The following MCM5 variants were observed in gnomAD, a reference collection of about 807,000 sequenced individuals.
MCM5 encodes minichromosome maintenance complex component 5.
A neutral mutation model predicts 79.9 loss-of-function variants in MCM5; 46 were observed. The ratio of observed to expected loss-of-function variants is 0.58; its 90% CI spans 0.45 to 0.74. MCM5 has a LOEUF of 0.74. Among genes scored for constraint, MCM5 ranks in the 30% least tolerant of loss-of-function variants. The pLI, the probability that MCM5 is intolerant of heterozygous loss-of-function variation, is 0.00. For synonymous variants in MCM5, 404 were observed against 390.5 expected (o/e 1.03, Z -0.41); for missense variants, 883 against 1,017.0 (o/e 0.87, Z 1.79).
intron 15 of MCM5, chr22:35,422,231 GA>G (rs1932716064): frequency 1.3e-5 from 2 of 153,670 alleles, no homozygotes; most frequent in African/African-American, 2.4e-5. Flanking sequence ...TGTAGGTAGT[GA>G]AAAAGGCAGT....
chr22:35,438,476 T>TATCCATCCATCCATCCATCC, the MCM5 span, among the ~76,000 whole-genome samples: 265 of 107,710 alleles, frequency 2.5e-3, 1 homozygote, highest in Non-Finnish European at 3.5e-3. Context: ...TCCATCCACA[T>TATCCATCCATCCATCCATCC]ATCCATCCAT....
At chr22:35,419,422 A>AC (rs1932636078) in intron 13 of MCM5, among the ~76,000 whole-genome samples, 1 of 152,152 alleles carries the variant, frequency 6.6e-6, no homozygotes, top group Non-Finnish European at 1.5e-5. Context: ...GACTGCAGTC[A>AC]CCGCCAAGCC....
the MCM5 span, among the ~76,000 whole-genome samples, chr22:35,438,939 T>A: frequency 1.2e-5 from 1 of 86,060 alleles, no homozygotes; most frequent in African/African-American, 4.6e-5. Context: ...ATCCATCCAT[T>A]CATCCATCCA....
At chr22:35,453,038 C>T in the MCM5 span, among the ~76,000 whole-genome samples, 4 of 152,216 alleles carry the variant, frequency 2.6e-5, no homozygotes, top group Admixed American at 1.3e-4. Flanking sequence ...GCTATCTGTG[C>T]AGCTCAGGGG....
chr22:35,443,618 C>G, the MCM5 span, among the ~76,000 whole-genome samples: 2 of 152,232 alleles, frequency 1.3e-5, no homozygotes, highest in African/African-American at 4.8e-5. Context: ...TGCCTTCTGC[C>G]TGGACTTCTC....
the MCM5 span, among the ~76,000 whole-genome samples, chr22:35,432,469 A>C: frequency 6.6e-6 from 1 of 152,246 alleles, no homozygotes; most frequent in Non-Finnish European, 1.5e-5. Flanking sequence ...GCCCCCACAC[A>C]GAACGTGCTC....
rs368741573 is a variant in MCM5, at chr22:35,424,293, C to T, written c.*38C>T. 7 of 1,397,936 alleles carry T rather than the reference C, an allele frequency of 5.0e-6. No homozygotes were observed. In the African/African-American group the frequency reaches 8.7e-5, roughly 17 times the overall value. 86.6% of individuals were successfully genotyped at this position (1,397,936 alleles called of 1,614,324 possible). A position where few individuals can be genotyped will look rare whatever the true frequency, so the allele number is the denominator to read the frequency against. On this transcript the variant is annotated 3_prime_UTR_variant, in exon 17 of 17. Coordinates refer to ENST00000216122, the MANE Select transcript of MCM5 (RefSeq NM_006739.4). ...CACTGGACTCATGGACTCGCCCACG[C>T]CTCGCCCCTCCTGCCGCTGCCTGCC...
chr22:35,420,742 C>G (rs918712839), intron 14 of MCM5, among the ~76,000 whole-genome samples: 1 of 152,190 alleles, frequency 6.6e-6, no homozygotes, highest in Admixed American at 6.5e-5. Flanking sequence ...CTTGGACTTA[C>G]AACTTACTGC....
At chr22:35,418,671 AT>A (rs930659954) in intron 13 of MCM5, among the ~76,000 whole-genome samples, 16 of 125,592 alleles carry the variant, frequency 1.3e-4, no homozygotes, top group Admixed American at 3.8e-4. Flanking sequence ...AAAAAAAAAA[AT>A]ATATATATAT....
chr22:35,444,643 G>C, the MCM5 span, among the ~76,000 whole-genome samples: 1 of 152,172 alleles, frequency 6.6e-6, no homozygotes, highest in African/African-American at 2.4e-5. Flanking sequence ...CTGGGTCTGG[G>C]AGTATGCTGA....
the MCM5 span, among the ~76,000 whole-genome samples, chr22:35,438,476 T>TATCCATCCATCCATCCATCCATCC: frequency 2.8e-5 from 3 of 107,608 alleles, no homozygotes; most frequent in Admixed American, 9.4e-5. Context: ...TCCATCCACA[T>TATCCATCCATCCATCCATCCATCC]ATCCATCCAT....
At chr22:35,453,784 GAGAT>G in the MCM5 span, among the ~76,000 whole-genome samples, 1 of 142,544 alleles carries the variant, frequency 7.0e-6, no homozygotes, top group East Asian at 2.1e-4. Context: ...TAGGAAGACA[GAGAT>G]AGAGACAAAA....
In MCM5 at chr22:35,413,860, C is replaced by T. The variant is rs767107165; in HGVS notation, c.1092-15C>T. ...CATGGATTCTCACCTTGTCCATCTA[C>T]CCTTCGTCCCCCAGGCTCCCTGATG... On this transcript the variant is annotated splice_polypyrimidine_tract_variant and intron_variant, in intron 8 of 16. Transcript: ENST00000216122. The T allele has an allele frequency of 4.0e-6, 6 of 1,484,472 alleles. No individual in the cohort carries two copies. The highest frequency in any genetic ancestry group is 1.4e-5 in the African/African-American group (1 of 72,526). The allele number at this position is 1,484,472 out of a possible 1,614,324, so 92.0% of individuals were successfully genotyped here. A position where few individuals can be genotyped will look rare whatever the true frequency, so the allele number is the denominator to read the frequency against.
the MCM5 span, among the ~76,000 whole-genome samples, chr22:35,441,081 A>G: frequency 6.6e-6 from 1 of 150,496 alleles, no homozygotes; most frequent in African/African-American, 2.4e-5. Flanking sequence ...AAAAAGTAAG[A>G]TCCCAGTGAC....
At chr22:35,448,411 C>T in the MCM5 span, among the ~76,000 whole-genome samples, 1 of 152,178 alleles carries the variant, frequency 6.6e-6, no homozygotes, top group Non-Finnish European at 1.5e-5. Flanking sequence ...GCCATCCCTC[C>T]CCTCTTCCAG....
At chr22:35,417,599 G>A (rs1932579384) in intron 12 of MCM5, 145 bp from the exon 13 acceptor site, 3 of 661,492 alleles carry the variant, frequency 4.5e-6, no homozygotes, top group Non-Finnish European at 8.2e-6. Flanking sequence ...TGAGCAAACA[G>A]GCTGAGCACG....
the MCM5 span, among the ~76,000 whole-genome samples, chr22:35,434,659 C>G: frequency 6.6e-6 from 1 of 152,180 alleles, no homozygotes; most frequent in African/African-American, 2.4e-5. Flanking sequence ...CTTTACCCCA[C>G]AAGGAGGAAC....
rs1264550264 is a variant in MCM5, at chr22:35,421,912, C to T, written c.1975+452C>T. ...GGCCTTTCCCTGGTGCCCAAGATCA[C>T]AGTCGCTTGGCTGGAATGCAAGTCT... On this transcript the variant is annotated intron_variant, in intron 15 of 16. Transcript: ENST00000216122. The T allele has an allele frequency of 1.8e-5, 5 of 281,618 alleles. No homozygotes were observed. In the East Asian group the frequency reaches 3.6e-4, roughly 20 times the overall value. 17.4% of individuals were successfully genotyped at this position (281,618 alleles called of 1,614,324 possible).
Position 35,424,975 on chromosome 22 carries a change from C to T in MCM5, c.*720C>T, listed in dbSNP as rs1198043434. On this transcript the variant is annotated 3_prime_UTR_variant, in exon 17 of 17. Coordinates refer to ENST00000216122, the MANE Select transcript of MCM5 (RefSeq NM_006739.4). ...GGCCACCAGGCAGGAACTAGGACTC[C>T]AGCCAGTTCTTTCCTGGTGGGCCAC... 6.6e-6 allele frequency: 1 copy of T among 152,202 alleles called. No homozygotes were observed. Among genetic ancestry groups the T allele is most frequent in the Non-Finnish European group, 1.5e-5 (1 of 68,034 alleles). 9.4% of individuals were successfully genotyped at this position (152,202 alleles called of 1,614,324 possible). A position where few individuals can be genotyped will look rare whatever the true frequency, so the allele number is the denominator to read the frequency against.
Sources: gnomAD v4.1 joint callset for allele counts (sites outside exome capture counted in the v4.1 genomes callset) on GRCh38, gnomAD v4.1.1 for gene constraint, MANE v1.5 for transcripts, NCBI Gene and HGNC (gene_info 2026-07-23, HGNC 2026-07-21) for gene names.